The following ASB5 variants were observed in gnomAD, a reference collection of about 807,000 sequenced individuals.
ASB5 encodes ankyrin repeat and SOCS box containing 5.
ASB5 carries 45 observed loss-of-function variants against 42.1 expected under a neutral mutation model. The observed-to-expected ratio is 1.07, with a 90% CI of 0.84 to 1.37. The LOEUF (loss-of-function observed/expected upper bound fraction) is 1.37. Among genes scored for constraint, ASB5 ranks in the 40% most tolerant of loss-of-function variants. The pLI is 0.00. For missense variants in ASB5, 402 were observed against 399.8 expected (o/e 1.01, Z -0.05); for synonymous variants, 147 against 150.6 (o/e 0.98, Z 0.18).
rs370474383 is a variant in ASB5, at chr4:176,239,107, T to A, written c.197-13766A>T. On this transcript the variant is annotated intron_variant, in intron 1 of 6. Coordinates refer to ENST00000296525, the MANE Select transcript of ASB5 (RefSeq NM_080874.4). ...TCAGAGCCAGCTTGGCCCAGGCTATTTGTATGGGTGGCACATTCCTAGGTG... is the reference window on the plus strand; with the variant it reads ...TCAGAGCCAGCTTGGCCCAGGCTATATGTATGGGTGGCACATTCCTAGGTG... 4.6e-3 allele frequency among the ~76,000 whole-genome samples: 697 copies of A among 152,248 alleles called. 12 individuals carry two copies. Among genetic ancestry groups the A allele is most frequent in the African/African-American group, 0.015 (644 of 41,550 alleles).
At chr4:176,249,377 G>A (rs1241363360) in intron 1 of ASB5, 1 of 152,138 alleles carries the variant, frequency 6.6e-6, no homozygotes, top group African/African-American at 2.4e-5. Flanking sequence ...TTAACAAAAA[G>A]ATCCCAGGTA....
intron 1 of ASB5, among the ~76,000 whole-genome samples, chr4:176,276,469 A>G (rs1754566016): frequency 6.6e-6 from 1 of 152,208 alleles, no homozygotes; most frequent in Non-Finnish European, 1.5e-5. Flanking sequence ...AACCAATGTT[A>G]TATATAAAAC....
upstream of ASB5, among the ~76,000 whole-genome samples, chr4:176,270,371 G>A (rs148790206): frequency 6.6e-6 from 1 of 152,222 alleles, no homozygotes; most frequent in Non-Finnish European, 1.5e-5. Context: ...TAAGTGTTGT[G>A]TGCTTCTCTC....
intron 1 of ASB5, among the ~76,000 whole-genome samples, chr4:176,258,654 T>C (rs909959220): frequency 6.6e-6 from 1 of 152,164 alleles, no homozygotes; most frequent in Non-Finnish European, 1.5e-5. Context: ...ATAAAGTACA[T>C]AGTTTTTTTT....
In ASB5 at chr4:176,238,648, T is replaced by A. The variant is rs181086685; in HGVS notation, c.197-13307A>T. 3.2e-4 allele frequency among the ~76,000 whole-genome samples: 49 copies of A among 152,320 alleles called. 1 individual carries two copies. Among genetic ancestry groups the A allele is most frequent in the African/African-American group, 1.2e-3 (48 of 41,570 alleles). Reference sequence around the variant, plus strand: ...TGAAATATGGTGACAGATTCTGTTATCTATCTTTTTTTCATCAGTATTTTT... The same window carrying A: ...TGAAATATGGTGACAGATTCTGTTAACTATCTTTTTTTCATCAGTATTTTT... On this transcript the variant is annotated intron_variant, in intron 1 of 6. Transcript: ENST00000296525.
intron 1 of ASB5, among the ~76,000 whole-genome samples, chr4:176,258,354 TG>T (rs1754195642): frequency 1.3e-5 from 2 of 152,202 alleles, no homozygotes; most frequent in Non-Finnish European, 2.9e-5. Flanking sequence ...GGTCAAACAT[TG>T]TGCAATATGC....
chr4:176,227,117 G>T (rs1408224702), intron 1 of ASB5, among the ~76,000 whole-genome samples: 1 of 152,218 alleles, frequency 6.6e-6, no homozygotes, highest in Non-Finnish European at 1.5e-5. Flanking sequence ...AGGAGCATCA[G>T]CTCTGGAGTT....
At chr4:176,219,668 G>C (rs866467353) in intron 5 of ASB5, among the ~76,000 whole-genome samples, 1 of 139,474 alleles carries the variant, frequency 7.2e-6, no homozygotes, top group Non-Finnish European at 1.5e-5. Flanking sequence ...TCCACCTCCC[G>C]GGTTCAAGTT....
At chr4:176,225,374 A>C in intron 1 of ASB5, 33 bp from the exon 2 acceptor site, 2 of 1,579,008 alleles carry the variant, frequency 1.3e-6, no homozygotes, top group African/African-American at 2.7e-5. Flanking sequence ...AGAAAAGAAA[A>C]CAAAAATCCA....
intron 1 of ASB5, among the ~76,000 whole-genome samples, chr4:176,249,936 G>GAA (rs1753995574): frequency 2.0e-5 from 3 of 151,668 alleles, no homozygotes; most frequent in Non-Finnish European, 2.9e-5. Context: ...GTGGTGACGG[G>GAA]CGCCTGTAGT....
intron 1 of ASB5, among the ~76,000 whole-genome samples, chr4:176,245,805 A>G (rs1753900034): frequency 6.6e-6 from 1 of 152,158 alleles, no homozygotes; most frequent in Non-Finnish European, 1.5e-5. Flanking sequence ...GGACAGAAAA[A>G]CCAAACACCG....
At chr4:176,217,043 T>G (rs965368583) in intron 5 of ASB5, 34 bp from the exon 6 acceptor site, 12 of 1,512,724 alleles carry the variant, frequency 7.9e-6, no homozygotes, top group Non-Finnish European at 9.8e-6. Flanking sequence ...TAAATATAAA[T>G]AAAAGTTGTT....
At chr4:176,250,748 T>C (rs2603094) in intron 1 of ASB5, among the ~76,000 whole-genome samples, 104,047 of 152,080 alleles carry the variant, frequency 0.68, 35,994 homozygotes, top group Middle Eastern at 0.77. Context: ...AAATCTAAAC[T>C]AGTGAATATA....
intron 1 of ASB5, among the ~76,000 whole-genome samples, chr4:176,249,933 C>T (rs1204978698): frequency 2.0e-5 from 3 of 151,488 alleles, no homozygotes; most frequent in African/African-American, 4.8e-5. Flanking sequence ...GGCGTGGTGA[C>T]GGGCGCCTGT....
intron 1 of ASB5, among the ~76,000 whole-genome samples, chr4:176,251,564 T>TTAAAA (rs747197528): frequency 9.6e-5 from 1 of 10,384 alleles, no homozygotes; most frequent in African/African-American, 3.9e-4. Context: ...TCTGTCTCAT[T>TTAAAA]AAAAAAAAAA....
intron 1 of ASB5, chr4:176,241,825 T>C: frequency 2.9e-6 from 1 of 339,922 alleles, no homozygotes; most frequent in Non-Finnish European, 4.8e-6. Context: ...AATCTTGTGG[T>C]GAGTGATATC....
rs538400832 is a variant in ASB5 at position 176,232,221 on chromosome 4, C to G, written c.197-6880G>C. ...CACTGCAACCTCCACCTCCCAGGTT[C>G]CAGTGATTCCCCTGCCTCAGCCACC... On this transcript the variant is annotated intron_variant, in intron 1 of 6. Coordinates refer to ENST00000296525, the MANE Select transcript of ASB5 (RefSeq NM_080874.4). Among the ~76,000 whole-genome samples, 130 of 151,442 alleles carry G rather than the reference C, an allele frequency of 8.6e-4. 1 individual carries two copies. The highest frequency in any genetic ancestry group is 1.2e-3 in the Non-Finnish European group (84 of 67,932).
At chr4:176,275,391 C>T (rs1320605525) in intron 2 of ASB5, among the ~76,000 whole-genome samples, 2 of 152,072 alleles carry the variant, frequency 1.3e-5, no homozygotes, top group African/African-American at 4.8e-5. Context: ...ATAAGTACTG[C>T]CTTGTGTGCA....
At chr4:176,240,115 A>C (rs1357606630) in intron 1 of ASB5, among the ~76,000 whole-genome samples, 1 of 152,164 alleles carries the variant, frequency 6.6e-6, no homozygotes, top group Non-Finnish European at 1.5e-5. Context: ...AAATCTCGAG[A>C]TATCTAGAAG....
Sources: allele counts gnomAD v4.1 joint callset (sites outside exome capture counted in the v4.1 genomes callset), GRCh38; gene constraint gnomAD v4.1.1; transcripts MANE v1.5; gene names NCBI Gene and HGNC (gene_info 2026-07-23, HGNC 2026-07-21).